The following AK9 variants were observed in gnomAD, a reference collection of about 807,000 sequenced individuals.
AK9 encodes the protein adenylate kinase 9.
A neutral mutation model predicts 239.6 loss-of-function variants in AK9; 191 were observed. That is an observed-to-expected ratio of 0.80 (90% CI 0.71 to 0.90). AK9 has a LOEUF of 0.90. Ranked by LOEUF, AK9 falls within the 40% of genes least tolerant of loss-of-function variation. AK9 has a pLI of 0.00. For synonymous variants in AK9, 689 were observed against 721.0 expected (o/e 0.96, Z 0.71); for missense variants, 1,995 against 2,214.7 (o/e 0.90, Z 1.99).
chr6:109,619,265 T>C (rs1794543575), intron 12 of AK9, 29 bp from the exon 13 acceptor site: 2 of 1,532,404 alleles, frequency 1.3e-6, no homozygotes, highest in South Asian at 1.2e-5. Context: ...AAAATCGACA[T>C]AAGCAGGAGT....
chr6:109,535,217 C>T (rs1305113846), intron 27 of AK9, among the ~76,000 whole-genome samples: 1 of 152,202 alleles, frequency 6.6e-6, no homozygotes, highest in Non-Finnish European at 1.5e-5. Context: ...TTTACAGTCT[C>T]ACCAACAGTG....
At position 109,497,368 on chromosome 6, in the gene AK9, T is replaced by A. The variant is rs992744869; in HGVS notation, c.5315+97A>T. 8.9e-3 allele frequency: 5,945 copies of A among 670,170 alleles called. 140 individuals are homozygous for A. Among genetic ancestry groups the A allele is most frequent in the African/African-American group, 0.074 (3,552 of 47,778 alleles). The allele number at this position is 670,170 out of a possible 1,614,324, so 41.5% of individuals were successfully genotyped here. On this transcript the variant is annotated intron_variant, in intron 38 of 40. Coordinates refer to ENST00000424296, the MANE Select transcript of AK9 (RefSeq NM_001145128.3). ...CACACACACACACACACACACTCTCTCTCTCTCTCTCTCTCTCACACACTC... is the reference window on the plus strand; with the variant it reads ...CACACACACACACACACACACTCTCACTCTCTCTCTCTCTCTCACACACTC...
chr6:109,530,002 C>T (rs117960059), intron 28 of AK9, among the ~76,000 whole-genome samples: 3,062 of 152,240 alleles, frequency 0.02, 83 homozygotes, highest in East Asian at 0.11. Context: ...TACATATGTC[C>T]ACATGGGGAA....
chr6:109,572,889 A>G (rs1787604495), intron 21 of AK9, among the ~76,000 whole-genome samples: 3 of 152,076 alleles, frequency 2.0e-5, no homozygotes, highest in Non-Finnish European at 4.4e-5. Flanking sequence ...TTCATTGCCT[A>G]TAGACTCCTT....
At chr6:109,510,200 T>C (rs1158217467) in intron 32 of AK9, among the ~76,000 whole-genome samples, 5 of 151,852 alleles carry the variant, frequency 3.3e-5, no homozygotes, top group Non-Finnish European at 5.9e-5. Context: ...CATGGACCAA[T>C]CAGCAGGCAC....
chr6:109,681,496 G>C (rs1033414326), intron 1 of AK9, among the ~76,000 whole-genome samples: 16 of 152,164 alleles, frequency 1.1e-4, no homozygotes, highest in African/African-American at 3.9e-4. Flanking sequence ...CAATAATAAT[G>C]GGAGACTTTA....
At chr6:109,604,342 C>T (rs993737726) in intron 17 of AK9, among the ~76,000 whole-genome samples, 9 of 152,174 alleles carry the variant, frequency 5.9e-5, no homozygotes, top group Non-Finnish European at 7.3e-5. Context: ...AATGTTAATA[C>T]ACTTTCTACT....
intron 8 of AK9, among the ~76,000 whole-genome samples, chr6:109,654,550 C>T (rs1021402684): frequency 2.6e-5 from 4 of 152,008 alleles, no homozygotes; most frequent in African/African-American, 9.7e-5. Flanking sequence ...AGGCTGGTCT[C>T]GAACTCCTGA....
chr6:109,616,529 C>T (rs903872770), intron 13 of AK9, among the ~76,000 whole-genome samples: 5 of 138,210 alleles, frequency 3.6e-5, no homozygotes, highest in African/African-American at 1.3e-4. Flanking sequence ...AGGTGTGGAC[C>T]CCCACACCCA....
chr6:109,525,552 GA>G (rs1780400920), intron 29 of AK9, among the ~76,000 whole-genome samples: 1 of 152,162 alleles, frequency 6.6e-6, no homozygotes, highest in Non-Finnish European at 1.5e-5. Context: ...ACGAGCATAT[GA>G]AAAAATGCTC....
chr6:109,662,310 T>C (rs1035638584), intron 6 of AK9, among the ~76,000 whole-genome samples: 1 of 152,128 alleles, frequency 6.6e-6, no homozygotes, highest in African/African-American at 2.4e-5. Flanking sequence ...AGAGATGATG[T>C]ATTAACTGAC....
Position 109,587,477 on chromosome 6 carries a change from T to G in AK9, c.1843-1405A>C, listed in dbSNP as rs373123125. Among the ~76,000 whole-genome samples, 5 of 152,176 alleles carry G rather than the reference T, an allele frequency of 3.3e-5. No homozygotes were observed. In the East Asian group the frequency reaches 9.6e-4, roughly 29 times the overall value. ...CATCCATCACCAGAGCAAGGCACAC[T>G]GTATCAGCCAAGCAAGCTCCCATCA... On this transcript the variant is annotated intron_variant, in intron 17 of 40. Transcript: ENST00000424296.
intron 28 of AK9, among the ~76,000 whole-genome samples, chr6:109,532,128 C>T (rs553551836): frequency 4.9e-4 from 75 of 152,302 alleles, no homozygotes; most frequent in Admixed American, 1.0e-3. Context: ...GTCTTAGTAT[C>T]TCAGAATTGA....
chr6:109,524,467 C>T (rs369173829), intron 29 of AK9, among the ~76,000 whole-genome samples: 4 of 152,098 alleles, frequency 2.6e-5, no homozygotes, highest in South Asian at 4.1e-4. Context: ...ATTAAAGAAG[C>T]TTAGTGAACT....
At chr6:109,550,018 T>C in intron 25 of AK9, 72 bp downstream of exon 25, 2 of 1,455,324 alleles carry the variant, frequency 1.4e-6, no homozygotes, top group South Asian at 2.4e-5. Context: ...CTTAAGTAAA[T>C]TGATGGTGAT....
intron 5 of AK9, among the ~76,000 whole-genome samples, chr6:109,664,936 A>G (rs1342242371): frequency 6.6e-6 from 1 of 151,692 alleles, no homozygotes; most frequent in Non-Finnish European, 1.5e-5. Flanking sequence ...GCTACTCGGG[A>G]GGCTGAGGCA....
chr6:109,510,748 T>C (rs371589159), intron 32 of AK9, among the ~76,000 whole-genome samples: 69 of 152,294 alleles, frequency 4.5e-4, no homozygotes, highest in South Asian at 3.1e-3. Flanking sequence ...GGACAAGAAT[T>C]TGGGCAAAAG....
At chr6:109,599,734 A>G (rs945091470) in intron 17 of AK9, among the ~76,000 whole-genome samples, 1 of 152,000 alleles carries the variant, frequency 6.6e-6, no homozygotes, top group Non-Finnish European at 1.5e-5. Flanking sequence ...ATTTGTTTGT[A>G]TCCCCTTTTA....
intron 5 of AK9, among the ~76,000 whole-genome samples, chr6:109,664,245 G>A (rs879370286): frequency 3.9e-5 from 6 of 152,026 alleles, no homozygotes; most frequent in Non-Finnish European, 5.9e-5. Context: ...ATTCTTATTA[G>A]TGTAAGAGAG....
Sources: allele counts gnomAD v4.1 joint callset (sites outside exome capture counted in the v4.1 genomes callset), GRCh38; gene constraint gnomAD v4.1.1; transcripts MANE v1.5; gene names NCBI Gene and HGNC (gene_info 2026-07-23, HGNC 2026-07-21).